SMPDL3A: variants seen among roughly 807,000 people sequenced by gnomAD.
SMPDL3A encodes sphingomyelin phosphodiesterase acid like 3A.
A neutral mutation model predicts 38.5 loss-of-function variants in SMPDL3A; 39 were observed. That is an observed-to-expected ratio of 1.01 (90% CI 0.78 to 1.32). SMPDL3A has a LOEUF of 1.32. Among genes scored for constraint, SMPDL3A ranks in the 40% most tolerant of loss-of-function variants. SMPDL3A has a pLI of 0.00. For synonymous variants in SMPDL3A, 180 were observed against 194.3 expected (o/e 0.93, Z 0.61); for missense variants, 502 against 536.2 (o/e 0.94, Z 0.63).
At chr6:122,795,048 C>T (rs1328737570) in intron 1 of SMPDL3A, among the ~76,000 whole-genome samples, 1 of 152,170 alleles carries the variant, frequency 6.6e-6, no homozygotes, top group African/African-American at 2.4e-5. Context: ...CATCATTGGC[C>T]TCTCCGAAGG....
intron 1 of SMPDL3A, 61 bp downstream of exon 1, chr6:122,789,519 C>T: frequency 1.4e-6 from 2 of 1,407,078 alleles, no homozygotes; most frequent in East Asian, 2.5e-5. Context: ...GCGGCGCCTG[C>T]GCACAGCAGG....
intron 7 of SMPDL3A, among the ~76,000 whole-genome samples, chr6:122,808,609 C>CCCTCCCTTCCTTCCTTCCTT (rs1781726574): frequency 2.3e-5 from 1 of 44,310 alleles, no homozygotes; most frequent in African/African-American, 8.8e-5. Context: ...CTCCCTCCCT[C>CCCTCCCTTCCTTCCTTCCTT]CCTTCCTTCC....
At chr6:122,791,575 G>T (rs903730754) in intron 1 of SMPDL3A, among the ~76,000 whole-genome samples, 1 of 152,160 alleles carries the variant, frequency 6.6e-6, no homozygotes. Flanking sequence ...TTGGATTCTT[G>T]AGAAGTTATA....
chr6:122,801,300 T>C lies in SMPDL3A; in HGVS notation c.472-10T>C, dbSNP rs762435622. ...AAATTTCAATGGTGGATTATATTGT[T>C]TGTGGCCAGGATCAACTGCCTGTAG... On this transcript the variant is annotated splice_polypyrimidine_tract_variant and intron_variant, in intron 3 of 7. Transcript: ENST00000368440. 34 of 1,595,654 alleles carry C rather than the reference T, an allele frequency of 2.1e-5. No individual in the cohort carries two copies. Among genetic ancestry groups the C allele is most frequent in the Admixed American group, 2.0e-4 (12 of 59,756 alleles).
intron 6 of SMPDL3A, among the ~76,000 whole-genome samples, chr6:122,805,777 C>T (rs977213903): frequency 5.9e-5 from 9 of 152,162 alleles, no homozygotes; most frequent in East Asian, 1.9e-4. Context: ...TGTGTCACCA[C>T]GCCCAGCTAA....
rs542638712 is a variant in SMPDL3A at position 122,804,910 on chromosome 6, T to A, written c.740T>A (p.Val247Glu). Residue 247 changes from valine (V) to glutamate (E), a missense_variant and splice_region_variant, in exon 6 of 8, where the codon GTG becomes GAG. Transcript: ENST00000368440. The part of the protein sequence containing the change: ...LNNSQQNKEK[V>E]YIIAHVPVGY... ...GCCTTTTTGTGTTTCTTTTTCCAGGTGTATATCATAGCACATGTTCCAGTG... is the reference window on the plus strand; with the variant it reads ...GCCTTTTTGTGTTTCTTTTTCCAGGAGTATATCATAGCACATGTTCCAGTG... 1 of 1,606,910 alleles carries A rather than the reference T, an allele frequency of 6.2e-7. No homozygotes were observed. Among genetic ancestry groups the A allele is most frequent in the South Asian group, 1.1e-5 (1 of 88,302 alleles).
At chr6:122,801,638 G>C (rs1288155258) in intron 4 of SMPDL3A, among the ~76,000 whole-genome samples, 1 of 152,134 alleles carries the variant, frequency 6.6e-6, no homozygotes, top group Non-Finnish European at 1.5e-5. Flanking sequence ...TCTTAATTAG[G>C]TAGGTATGTT....
At chr6:122,791,394 C>T (rs1013023067) in intron 1 of SMPDL3A, among the ~76,000 whole-genome samples, 1 of 152,146 alleles carries the variant, frequency 6.6e-6, no homozygotes, top group Non-Finnish European at 1.5e-5. Context: ...TGTAACCTAG[C>T]TTAATAGTCA....
chr6:122,792,592 T>G (rs1188378724), intron 1 of SMPDL3A, among the ~76,000 whole-genome samples: 1 of 150,914 alleles, frequency 6.6e-6, no homozygotes, highest in Non-Finnish European at 1.5e-5. Context: ...TCACAGTATC[T>G]CGAGTGTAGA....
chr6:122,806,329 A>G lies in SMPDL3A; in HGVS notation c.1016A>G (p.Gln339Arg), dbSNP rs1298286829. 4 of 1,612,044 alleles carry G rather than the reference A, an allele frequency of 2.5e-6. No individual in the cohort carries two copies. Among genetic ancestry groups the G allele is most frequent in the Non-Finnish European group, 3.4e-6 (4 of 1,178,692 alleles). Residue 339 changes from glutamine to arginine, a missense_variant, in exon 7 of 8, where the codon CAG (glutamine) becomes CGG (arginine). Physicochemically the swap from Gln to Arg is conservative, Grantham distance 43 (BLOSUM62 1). Coordinates refer to ENST00000368440, the MANE Select transcript of SMPDL3A (RefSeq NM_006714.5). ...AACAATCCTGGTATCAGACTGTTTC[A>G]GTATGATCCTCGTGATTATAAATTA... ...QTNNPGIRLFQYDPRDYKLLD... is the reference protein window; with the variant it reads ...QTNNPGIRLFRYDPRDYKLLD...
chr6:122,803,849 C>A lies in SMPDL3A; in HGVS notation c.738+16C>A, dbSNP rs1319821831. On this transcript the variant is annotated intron_variant, in intron 5 of 7. Transcript: ENST00000368440. ...TAAGGAGAAGGTAGATCCCATAGAC[C>A]AAAACCATCTGGGAATAAACGGAAG... 3 of 1,606,906 alleles carry A rather than the reference C, an allele frequency of 1.9e-6. No individual in the cohort carries two copies. Among genetic ancestry groups the A allele is most frequent in the Non-Finnish European group, 2.6e-6 (3 of 1,176,380 alleles).
intron 1 of SMPDL3A, among the ~76,000 whole-genome samples, chr6:122,793,816 C>A (rs1413860921): frequency 6.6e-6 from 1 of 152,086 alleles, no homozygotes. Context: ...CCTTATTATC[C>A]CAGCTTTGGG....
chr6:122,799,674 A>G (rs1170841660), intron 3 of SMPDL3A, among the ~76,000 whole-genome samples: 1 of 152,208 alleles, frequency 6.6e-6, no homozygotes, highest in Non-Finnish European at 1.5e-5. Context: ...CTGAAAATAC[A>G]TGTTTAGTCC....
At chr6:122,807,366 G>T (rs895941568) in intron 7 of SMPDL3A, among the ~76,000 whole-genome samples, 1 of 152,186 alleles carries the variant, frequency 6.6e-6, no homozygotes, top group African/African-American at 2.4e-5. Context: ...CGGCGTGGCG[G>T]CGGGTGCCTG....
rs141290341 is a variant in SMPDL3A at position 122,794,425 on chromosome 6, G to A, written c.113-1252G>A. On this transcript the variant is annotated intron_variant, in intron 1 of 7. Coordinates refer to ENST00000368440, the MANE Select transcript of SMPDL3A (RefSeq NM_006714.5). ...ATCCTGGCTAACATGGTGAAACCCC[G>A]TCTCTACTAAAAATACAAAAAATTA... Among the ~76,000 whole-genome samples the A allele has an allele frequency of 5.8e-3, 888 of 151,970 alleles. 5 individuals are homozygous for A. The highest frequency in any genetic ancestry group is 9.5e-3 in the Admixed American group (145 of 15,240).
chr6:122,791,956 G>A (rs1781092105), intron 1 of SMPDL3A, among the ~76,000 whole-genome samples: 1 of 152,184 alleles, frequency 6.6e-6, no homozygotes, highest in Admixed American at 6.5e-5. Flanking sequence ...GCCTCCCAAA[G>A]TGCTGGGATT....
intron 5 of SMPDL3A, among the ~76,000 whole-genome samples, chr6:122,804,451 G>A (rs182926578): frequency 1.6e-4 from 24 of 151,726 alleles, no homozygotes; most frequent in Non-Finnish European, 2.4e-4. Context: ...CTACAGGTGT[G>A]CGCCACCACT....
chr6:122,804,934 T>C lies in SMPDL3A; in HGVS notation c.764T>C (p.Val255Ala), dbSNP rs757315874. The C allele has an allele frequency of 6.2e-7, 1 of 1,612,298 alleles. No individual in the cohort carries two copies. The highest frequency in any genetic ancestry group is 8.5e-7 in the Non-Finnish European group (1 of 1,179,524). Residue 255 changes from valine to alanine, a missense_variant, in exon 6 of 8, where the codon GTG becomes GCG. Val to Ala is a moderately conservative substitution (Grantham distance 64). Coordinates refer to ENST00000368440, the MANE Select transcript of SMPDL3A (RefSeq NM_006714.5). The stretch of plus-strand genomic sequence containing the variant: ...GTGTATATCATAGCACATGTTCCAG[T>C]GGGGTATCTGCCATCTTCACAGAAC... ...EKVYIIAHVP[V>A]GYLPSSQNIT...
chr6:122,808,744 C>G (rs1212909326), intron 7 of SMPDL3A, among the ~76,000 whole-genome samples: 1 of 151,156 alleles, frequency 6.6e-6, no homozygotes, highest in Non-Finnish European at 1.5e-5. Flanking sequence ...CGCAATCTCG[C>G]AATCCCGGCT....
Sources: gnomAD v4.1 joint callset for allele counts (sites outside exome capture counted in the v4.1 genomes callset) on GRCh38, gnomAD v4.1.1 for gene constraint, MANE v1.5 for transcripts, NCBI Gene and HGNC (gene_info 2026-07-23, HGNC 2026-07-21) for gene names.